TFCP2: variants seen among roughly 807,000 people sequenced by gnomAD.
The protein encoded by TFCP2 is transcription factor CP2.
TFCP2 carries 33 observed loss-of-function variants against 73.4 expected under a neutral mutation model. The ratio of observed to expected loss-of-function variants is 0.45; its 90% CI spans 0.34 to 0.60. The LOEUF (loss-of-function observed/expected upper bound fraction) is 0.60. Ranked by LOEUF, TFCP2 falls within the 20% of genes least tolerant of loss-of-function variation. TFCP2 has a pLI of 0.01. For synonymous variants in TFCP2, 193 were observed against 211.6 expected (o/e 0.91, Z 0.76); for missense variants, 352 against 604.0 (o/e 0.58, Z 4.37).
chr12:51,135,113 GA>G (rs11338328), intron 1 of TFCP2, among the ~76,000 whole-genome samples: 130,941 of 144,670 alleles, frequency 0.91, 59,498 homozygotes, highest in Non-Finnish European at 0.97. Flanking sequence ...GTCTCAAAAA[GA>G]AAAAAAAAAA....
chr12:51,142,436 C>T (rs1324822445), intron 1 of TFCP2, among the ~76,000 whole-genome samples: 1 of 151,998 alleles, frequency 6.6e-6, no homozygotes, highest in African/African-American at 2.4e-5. Context: ...TTAAATCTCT[C>T]ATACATTTTT....
At chr12:51,098,741 A>G (rs1394144471) in intron 13 of TFCP2, 35 bp downstream of exon 13, 1 of 1,611,888 alleles carries the variant, frequency 6.2e-7, no homozygotes, top group South Asian at 1.1e-5. Flanking sequence ...CAAATTAATC[A>G]TCATCTGGTA....
Position 51,101,228 on chromosome 12 carries a change from C to A in TFCP2, c.1151+707G>T, listed in dbSNP as rs1034104827. Among the ~76,000 whole-genome samples the A allele has an allele frequency of 1.5e-3, 233 of 152,272 alleles. 6 individuals carry two copies. The highest frequency in any genetic ancestry group is 1.5e-3 in the East Asian group (8 of 5,186). ...GCTGAGGCAGGAGAATGGCGTGAAC[C>A]CGGGAGGTGGAGCTTGCAGTGAGCC... On this transcript the variant is annotated intron_variant, in intron 11 of 14. Coordinates refer to ENST00000257915, the MANE Select transcript of TFCP2 (RefSeq NM_005653.5).
intron 1 of TFCP2, among the ~76,000 whole-genome samples, chr12:51,160,887 T>C (rs139008101): frequency 6.6e-6 from 1 of 152,304 alleles, no homozygotes; most frequent in East Asian, 1.9e-4. Context: ...TGCAGCTTGC[T>C]GGTGCTAGGG....
intron 1 of TFCP2, among the ~76,000 whole-genome samples, chr12:51,164,464 G>A (rs1173899816): frequency 6.6e-6 from 1 of 151,802 alleles, no homozygotes; most frequent in East Asian, 1.9e-4. Context: ...GGGCACGGTG[G>A]CAGGCACCTG....
At chr12:51,142,980 T>A (rs1490027418) in intron 1 of TFCP2, among the ~76,000 whole-genome samples, 2 of 152,050 alleles carry the variant, frequency 1.3e-5, no homozygotes, top group Non-Finnish European at 2.9e-5. Flanking sequence ...TACCACTCTC[T>A]TCTCTGGATC....
chr12:51,111,022 G>C, intron 4 of TFCP2, 39 bp from the exon 5 acceptor site: 1 of 1,362,202 alleles, frequency 7.3e-7, no homozygotes, highest in South Asian at 1.2e-5. Flanking sequence ...AATTTTGAGG[G>C]CCACTCAGTT....
intron 1 of TFCP2, among the ~76,000 whole-genome samples, chr12:51,147,235 C>A (rs936145149): frequency 1.3e-5 from 2 of 151,668 alleles, no homozygotes; most frequent in African/African-American, 4.8e-5. Flanking sequence ...CCCAGCTACT[C>A]GGGAGGCTGA....
At chr12:51,127,577 T>C (rs796418524) in intron 1 of TFCP2, among the ~76,000 whole-genome samples, 43 of 152,300 alleles carry the variant, frequency 2.8e-4, no homozygotes, top group African/African-American at 9.4e-4. Context: ...GGCCCACTCT[T>C]TGATGTAAAA....
intron 1 of TFCP2, among the ~76,000 whole-genome samples, chr12:51,119,949 C>T (rs550938748): frequency 4.6e-5 from 7 of 151,356 alleles, no homozygotes; most frequent in Admixed American, 2.6e-4. Context: ...GAGGCCGAGG[C>T]GGGTGGATCA....
chr12:51,154,135 A>G (rs1941488756), intron 1 of TFCP2, among the ~76,000 whole-genome samples: 1 of 152,200 alleles, frequency 6.6e-6, no homozygotes, highest in Non-Finnish European at 1.5e-5. Flanking sequence ...CCCTTGATCA[A>G]TGGGCTATAC....
Position 51,099,656 on chromosome 12 carries a change from G to A in TFCP2, c.1275C>T (p.Phe425=), listed in dbSNP as rs371909755. 69 of 1,614,044 alleles carry A rather than the reference G, an allele frequency of 4.3e-5. No individual in the cohort carries two copies. The highest frequency in any genetic ancestry group is 1.7e-4 in the African/African-American group (13 of 74,998). ...HEDGDSNGTF[F]VYHAIYLEEL... ...CCTAGTGTGTCCAGAACAACCTACCGAAGAAAGTACCATTTGAGTCTCCAT... is the reference window on the plus strand; with the variant it reads ...CCTAGTGTGTCCAGAACAACCTACCAAAGAAAGTACCATTTGAGTCTCCAT... The change falls in exon 12 of 15, where the codon TTC becomes TTT. Residue 425 remains phenylalanine, a splice_region_variant and synonymous_variant. Transcript: ENST00000257915.
intron 1 of TFCP2, among the ~76,000 whole-genome samples, chr12:51,149,838 T>C (rs1161024030): frequency 6.6e-6 from 1 of 152,064 alleles, no homozygotes; most frequent in Non-Finnish European, 1.5e-5. Flanking sequence ...TGGCCTCAGG[T>C]GATCCACCTG....
At chr12:51,148,518 G>T (rs970794181) in intron 1 of TFCP2, among the ~76,000 whole-genome samples, 3 of 151,634 alleles carry the variant, frequency 2.0e-5, no homozygotes, top group Non-Finnish European at 4.4e-5. Context: ...TAGCCAATAT[G>T]GTGAAACTCC....
In TFCP2 at chr12:51,103,902, C is replaced by T. The variant is rs138749860; in HGVS notation, c.967-139G>A. 2.6e-3 allele frequency: 1,915 copies of T among 734,334 alleles called. 4 individuals carry two copies. Among genetic ancestry groups the T allele is most frequent in the Non-Finnish European group, 2.7e-3 (1,171 of 440,062 alleles). The allele number at this position is 734,334 out of a possible 1,614,324, so 45.5% of individuals were successfully genotyped here. A position where few individuals can be genotyped will look rare whatever the true frequency, so the allele number is the denominator to read the frequency against. The stretch of plus-strand genomic sequence containing the variant: ...GTTGTTTTCTCTTTCTCCAACCATG[C>T]AAGATGCTCAAGGAGTTCCATCCTT... On this transcript the variant is annotated intron_variant, in intron 9 of 14. Transcript: ENST00000257915.
chr12:51,158,963 A>C (rs1941594196), intron 1 of TFCP2, among the ~76,000 whole-genome samples: 2 of 144,844 alleles, frequency 1.4e-5, no homozygotes, highest in East Asian at 2.2e-4. Context: ...GGAGTTCAAG[A>C]CCAGCCTGGC....
chr12:51,141,657 T>G (rs1222472072), intron 1 of TFCP2, among the ~76,000 whole-genome samples: 1 of 151,652 alleles, frequency 6.6e-6, no homozygotes, highest in Non-Finnish European at 1.5e-5. Flanking sequence ...CCCAGCACTT[T>G]GGGAGGCCGA....
intron 1 of TFCP2, among the ~76,000 whole-genome samples, chr12:51,138,403 C>T (rs1187820759): frequency 2.6e-5 from 4 of 152,036 alleles, no homozygotes; most frequent in Non-Finnish European, 5.9e-5. Context: ...GTGATCCAAC[C>T]GCCTCGGCCT....
At chr12:51,133,952 C>G (rs983728756) in intron 1 of TFCP2, among the ~76,000 whole-genome samples, 1 of 144,086 alleles carries the variant, frequency 6.9e-6, no homozygotes, top group Non-Finnish European at 1.5e-5. Context: ...AAGAAAGAAA[C>G]AGTGTTAAAG....
Sources: allele counts gnomAD v4.1 joint callset (sites outside exome capture counted in the v4.1 genomes callset), GRCh38; gene constraint gnomAD v4.1.1; transcripts MANE v1.5; gene names NCBI Gene and HGNC (gene_info 2026-07-23, HGNC 2026-07-21).